The following NUBPL variants were observed in gnomAD, a reference collection of about 807,000 sequenced individuals.
NUBPL encodes the protein iron-sulfur cluster transfer protein NUBPL.
In NUBPL, 31 loss-of-function variants were observed where a neutral mutation model predicts 45.7. That is an observed-to-expected ratio of 0.68 (90% CI 0.51 to 0.92). The LOEUF is 0.92. Among genes scored for constraint, NUBPL ranks in the 40% least tolerant of loss-of-function variants. The pLI, the probability that NUBPL is intolerant of heterozygous loss-of-function variation, is 0.00. For missense variants in NUBPL, 401 were observed against 398.7 expected (o/e 1.01, Z -0.05); for synonymous variants, 144 against 140.9 (o/e 1.02, Z -0.15).
intron 4 of NUBPL, among the ~76,000 whole-genome samples, chr14:31,664,171 A>C (rs976719306): frequency 2.6e-5 from 4 of 152,286 alleles, no homozygotes; most frequent in African/African-American, 9.6e-5. Context: ...ATAAACAATC[A>C]TGTCATCTGC....
intron 6 of NUBPL, among the ~76,000 whole-genome samples, chr14:31,757,384 T>TTATTGGTC (rs1488024539): frequency 1.3e-5 from 2 of 151,664 alleles, no homozygotes; most frequent in South Asian, 4.2e-4. Context: ...TCAGAGCCTG[T>TTATTGGTC]TATTGGTCTA....
intron 4 of NUBPL, among the ~76,000 whole-genome samples, chr14:31,671,169 C>T (rs1431861040): frequency 1.3e-5 from 2 of 151,988 alleles, no homozygotes; most frequent in Non-Finnish European, 2.9e-5. Context: ...TTGTAATTCT[C>T]ATTGTAGAGA....
intron 7 of NUBPL, among the ~76,000 whole-genome samples, chr14:31,811,940 C>T (rs1829594213): frequency 6.6e-6 from 1 of 152,156 alleles, no homozygotes; most frequent in South Asian, 2.1e-4. Context: ...TCCTGGGTTT[C>T]ACCAGCAGAG....
At chr14:31,773,626 T>G (rs933346014) in intron 6 of NUBPL, among the ~76,000 whole-genome samples, 3 of 152,196 alleles carry the variant, frequency 2.0e-5, no homozygotes, top group Admixed American at 6.6e-5. Context: ...TAGCTGCATC[T>G]CTATACCAAT....
At chr14:31,646,938 T>G (rs2035871377) in intron 4 of NUBPL, among the ~76,000 whole-genome samples, 1 of 152,200 alleles carries the variant, frequency 6.6e-6, no homozygotes, top group Non-Finnish European at 1.5e-5. Flanking sequence ...CAAATAGTCT[T>G]GTTTTTGAGC....
At chr14:31,689,475 A>T (rs2037043134) in intron 6 of NUBPL, among the ~76,000 whole-genome samples, 2 of 152,118 alleles carry the variant, frequency 1.3e-5, no homozygotes, top group Non-Finnish European at 2.9e-5. Flanking sequence ...TCTTCTTTTG[A>T]TAAGTGTTCA....
intron 6 of NUBPL, among the ~76,000 whole-genome samples, chr14:31,784,078 G>T: frequency 6.6e-6 from 1 of 152,108 alleles, no homozygotes. Context: ...TTATTAACGT[G>T]AAAGGCTAGG....
intron 6 of NUBPL, among the ~76,000 whole-genome samples, chr14:31,745,105 G>C (rs1232696197): frequency 6.6e-6 from 1 of 151,404 alleles, no homozygotes; most frequent in East Asian, 1.9e-4. Context: ...ACAATGTGCA[G>C]GTTTGTTACA....
chr14:31,760,078 A>G (rs1454418091), intron 6 of NUBPL, among the ~76,000 whole-genome samples: 1 of 149,632 alleles, frequency 6.7e-6, no homozygotes, highest in African/African-American at 2.5e-5. Flanking sequence ...GTTGTACAAT[A>G]GAGTTCCTGA....
At chr14:31,704,683 T>A (rs764037612) in intron 6 of NUBPL, among the ~76,000 whole-genome samples, 22 of 151,820 alleles carry the variant, frequency 1.4e-4, no homozygotes, top group Non-Finnish European at 3.1e-4. Flanking sequence ...AAAAGTGTAA[T>A]CCTTCTCTCA....
intron 6 of NUBPL, among the ~76,000 whole-genome samples, chr14:31,727,231 TGTA>T (rs1460557016): frequency 6.6e-6 from 1 of 152,202 alleles, no homozygotes; most frequent in African/African-American, 2.4e-5. Context: ...ATGAAGAAAT[TGTA>T]GAATGCTCTT....
chr14:31,721,437 A>G (rs1038953467), intron 6 of NUBPL, among the ~76,000 whole-genome samples: 1 of 152,170 alleles, frequency 6.6e-6, no homozygotes, highest in African/African-American at 2.4e-5. Context: ...GGCTTAGTAT[A>G]TGGCTGAAAT....
chr14:31,848,875 T>G (rs752209515), intron 9 of NUBPL, among the ~76,000 whole-genome samples: 8 of 152,214 alleles, frequency 5.3e-5, no homozygotes, highest in Non-Finnish European at 1.0e-4. Flanking sequence ...AAAGAAATCC[T>G]TCATGATTCT....
chr14:31,827,047 G>A (rs567501065), intron 8 of NUBPL, among the ~76,000 whole-genome samples: 7 of 152,196 alleles, frequency 4.6e-5, no homozygotes, highest in African/African-American at 1.4e-4. Flanking sequence ...GATCACTTAT[G>A]GGGAAGCGGA....
chr14:31,846,505 A>C lies in NUBPL; in HGVS notation c.728A>C (p.Gln243Pro), dbSNP rs1261074625. 6.2e-7 allele frequency: 1 copy of C among 1,613,058 alleles called. No homozygotes were observed. Among genetic ancestry groups the C allele is most frequent in the Non-Finnish European group, 8.5e-7 (1 of 1,179,498 alleles). ...CTTGTCCAAAACATGAGTGTTTTCC[A>C]GTGTCCAAAATGTAAACACAAAACT... ...LGLVQNMSVF[Q>P]CPKCKHKTHI... The change falls in exon 9 of 11, where the codon CAG becomes CCG. Residue 243 changes from glutamine (Q) to proline (P), a missense_variant. Gln to Pro is a moderately conservative substitution (Grantham distance 76). Coordinates refer to ENST00000281081, the MANE Select transcript of NUBPL (RefSeq NM_025152.3).
At position 31,839,516 on chromosome 14, in the gene NUBPL, A is replaced by T. The variant is rs192220145; in HGVS notation, c.694-6955A>T. Among the ~76,000 whole-genome samples, 3 of 152,350 alleles carry T rather than the reference A, an allele frequency of 2.0e-5. 1 individual carries two copies. Among genetic ancestry groups the T allele is most frequent in the Admixed American group, 2.0e-4 (3 of 15,306 alleles). The stretch of plus-strand genomic sequence containing the variant: ...GACCTGAAACTATGAAAGTATTAGA[A>T]GAAAACCTAGAAGAGAAGCTCTATG... On this transcript the variant is annotated intron_variant, in intron 8 of 10. Transcript: ENST00000281081.
intron 6 of NUBPL, among the ~76,000 whole-genome samples, chr14:31,763,357 A>G (rs1265257364): frequency 6.6e-6 from 1 of 152,202 alleles, no homozygotes; most frequent in Non-Finnish European, 1.5e-5. Context: ...GAGAGAGTTC[A>G]CTATCTAATA....
chr14:31,666,258 T>TAC (rs2036417695), intron 4 of NUBPL, among the ~76,000 whole-genome samples: 1 of 59,220 alleles, frequency 1.7e-5, no homozygotes, highest in Non-Finnish European at 3.2e-5. Flanking sequence ...TATATATATA[T>TAC]ATATAATTTT....
intron 7 of NUBPL, among the ~76,000 whole-genome samples, chr14:31,804,491 A>G (rs1595653923): frequency 6.6e-6 from 1 of 152,172 alleles, no homozygotes; most frequent in Admixed American, 6.6e-5. Context: ...TTCCCTGAAT[A>G]CCTATCAAGA....
Sources: gnomAD v4.1 joint callset for allele counts (sites outside exome capture counted in the v4.1 genomes callset) on GRCh38, gnomAD v4.1.1 for gene constraint, MANE v1.5 for transcripts, NCBI Gene and HGNC (gene_info 2026-07-23, HGNC 2026-07-21) for gene names.